RAB3IP: variants seen among roughly 807,000 people sequenced by gnomAD.
RAB3IP encodes rab-3A-interacting protein.
RAB3IP carries 36 observed loss-of-function variants against 59.1 expected under a neutral mutation model. The observed-to-expected ratio is 0.61, with a 90% confidence interval of 0.47 to 0.80. RAB3IP has a LOEUF of 0.80. Ranked by LOEUF, RAB3IP falls within the 30% of genes least tolerant of loss-of-function variation. The pLI is 0.00. For missense variants in RAB3IP, 511 were observed against 536.0 expected (o/e 0.95, Z 0.46); for synonymous variants, 207 against 191.2 (o/e 1.08, Z -0.68).
chr12:69,811,021 A>G (rs571779580), intron 8 of RAB3IP, among the ~76,000 whole-genome samples: 1 of 152,338 alleles, frequency 6.6e-6, no homozygotes, highest in South Asian at 2.1e-4. Flanking sequence ...TCTTTTAAGA[A>G]ACGCTATACA....
chr12:69,743,744 C>T (rs1446622003), intron 1 of RAB3IP, among the ~76,000 whole-genome samples: 2 of 152,148 alleles, frequency 1.3e-5, no homozygotes, highest in Non-Finnish European at 2.9e-5. Flanking sequence ...TCAATTTCTC[C>T]AGTTTTGATA....
Position 69,759,527 on chromosome 12 carries a change from G to T in RAB3IP, c.510+2864G>T, listed in dbSNP as rs573714182. On this transcript the variant is annotated intron_variant, in intron 3 of 10. Coordinates refer to ENST00000247833, the MANE Select transcript of RAB3IP (RefSeq NM_022456.5). Reference sequence around the variant, plus strand: ...ACCTCCCAGACGGGGTGGTGGCCGGGCAGAGGAGCTCCTCACTTCCCAGAA... The same window carrying T: ...ACCTCCCAGACGGGGTGGTGGCCGGTCAGAGGAGCTCCTCACTTCCCAGAA... Among the ~76,000 whole-genome samples, 29 of 152,132 alleles carry T rather than the reference G, an allele frequency of 1.9e-4. No individual in the cohort carries two copies. The East Asian group carries it at 4.3e-3, about 22-fold the overall frequency.
At chr12:69,798,174 C>A (rs1212925935) in intron 6 of RAB3IP, among the ~76,000 whole-genome samples, 2 of 152,204 alleles carry the variant, frequency 1.3e-5, no homozygotes, top group Non-Finnish European at 2.9e-5. Flanking sequence ...TCTACATCCT[C>A]TCCAGCACCT....
chr12:69,801,492 A>G, intron 7 of RAB3IP, 117 bp from the exon 8 acceptor site: 1 of 513,808 alleles, frequency 1.9e-6, no homozygotes. Context: ...TTCATTTGCT[A>G]AAGCCAAGCT....
chr12:69,757,278 C>CT (rs1870383431), intron 3 of RAB3IP, among the ~76,000 whole-genome samples: 1 of 152,032 alleles, frequency 6.6e-6, no homozygotes, highest in Non-Finnish European at 1.5e-5. Flanking sequence ...TAAGCTCCCA[C>CT]TTTAAGAATC....
At chr12:69,801,522 A>G (rs1639725052) in intron 7 of RAB3IP, 87 bp from the exon 8 acceptor site, 2 of 666,558 alleles carry the variant, frequency 3.0e-6, no homozygotes, top group Non-Finnish European at 4.7e-6. Context: ...TTGGAGAAGA[A>G]TAATTTATAA....
At position 69,786,073 on chromosome 12, in the gene RAB3IP, T is replaced by C. The variant is rs905348051; in HGVS notation, c.606+1258T>C. On this transcript the variant is annotated intron_variant, in intron 4 of 10. Transcript: ENST00000247833. ...TCTTAAAACTTTTATTATAATAAAC[T>C]TGGGGGGGTGGAAATTCCATCACCT... Among the ~76,000 whole-genome samples, 5 of 152,152 alleles carry C rather than the reference T, an allele frequency of 3.3e-5. No individual in the cohort carries two copies. The South Asian group carries it at 8.3e-4, about 25-fold the overall frequency.
In RAB3IP at chr12:69,761,398, T is replaced by C. The variant is rs1871288695; in HGVS notation, c.510+4735T>C. Among the ~76,000 whole-genome samples the C allele has an allele frequency of 2.0e-5, 3 of 152,328 alleles. No homozygotes were observed. The South Asian group carries it at 6.2e-4, about 32-fold the overall frequency. On this transcript the variant is annotated intron_variant, in intron 3 of 10. Transcript: ENST00000247833. ...TTCATTTCTAGGGGATCACTGTCTT[T>C]TATTGCCTAATATCAAATGCTTCAA...
chr12:69,750,743 T>C (rs1250661428), intron 1 of RAB3IP, among the ~76,000 whole-genome samples: 2 of 151,246 alleles, frequency 1.3e-5, no homozygotes, highest in African/African-American at 2.4e-5. Context: ...TTTTTTTTCT[T>C]AGGCCAGAAT....
intron 10 of RAB3IP, among the ~76,000 whole-genome samples, chr12:69,813,303 G>T (rs899798959): frequency 5.9e-5 from 9 of 151,984 alleles, no homozygotes; most frequent in African/African-American, 2.2e-4. Context: ...ACTCATAAGG[G>T]GTATATGATA....
chr12:69,817,622 A>T lies in RAB3IP; in HGVS notation c.*2176A>T, dbSNP rs1881266233. 6.8e-6 allele frequency: 1 copy of T among 147,880 alleles called. No individual in the cohort carries two copies. The highest frequency in any genetic ancestry group is 1.5e-5 in the Non-Finnish European group (1 of 67,342). The allele number at this position is 147,880 out of a possible 1,614,324, so 9.2% of individuals were successfully genotyped here. On this transcript the variant is annotated 3_prime_UTR_variant, in exon 11 of 11. Transcript: ENST00000247833. ...AGCTGCTTGAGCCCAGGAGTTTGAG[A>T]CGGGCCTGGGAAAAATAGGGAAACT...
chr12:69,749,064 A>G (rs892974555), intron 1 of RAB3IP, among the ~76,000 whole-genome samples: 7 of 152,220 alleles, frequency 4.6e-5, no homozygotes, highest in Admixed American at 2.0e-4. Context: ...CCTAAGTGCT[A>G]TATAACAGGG....
chr12:69,808,855 T>C (rs1444487798), intron 8 of RAB3IP, among the ~76,000 whole-genome samples: 4 of 152,324 alleles, frequency 2.6e-5, no homozygotes, highest in East Asian at 1.9e-4. Flanking sequence ...CTTTATCCAA[T>C]TTGCCAGTCT....
At chr12:69,786,985 A>G (rs1875779829) in intron 4 of RAB3IP, among the ~76,000 whole-genome samples, 1 of 152,182 alleles carries the variant, frequency 6.6e-6, no homozygotes. Flanking sequence ...ATCGTGGAAA[A>G]AGCGCTCAAA....
At chr12:69,810,518 C>T (rs1174219286) in intron 8 of RAB3IP, among the ~76,000 whole-genome samples, 6 of 152,180 alleles carry the variant, frequency 3.9e-5, no homozygotes, top group Non-Finnish European at 8.8e-5. Context: ...TTGGCTCCAC[C>T]CTCCAGAAAT....
At chr12:69,770,123 GA>G (rs1469011023) in intron 3 of RAB3IP, among the ~76,000 whole-genome samples, 2 of 151,980 alleles carry the variant, frequency 1.3e-5, no homozygotes, top group African/African-American at 4.8e-5. Flanking sequence ...ATTCCAGTTG[GA>G]AAAAAGAACA....
chr12:69,768,570 G>T (rs1647802494), intron 3 of RAB3IP, among the ~76,000 whole-genome samples: 1 of 152,168 alleles, frequency 6.6e-6, no homozygotes, highest in African/African-American at 2.4e-5. Context: ...CCCTGGGGTG[G>T]AGTGAGAGGA....
intron 10 of RAB3IP, 91 bp downstream of exon 10, chr12:69,813,124 T>C: frequency 1.2e-6 from 1 of 829,610 alleles, no homozygotes; most frequent in Admixed American, 2.4e-5. Context: ...ATAGTAGTAA[T>C]GCTCATATCA....
intron 4 of RAB3IP, among the ~76,000 whole-genome samples, chr12:69,789,160 G>T (rs1162353974): frequency 1.3e-5 from 2 of 151,578 alleles, no homozygotes; most frequent in African/African-American, 4.8e-5. Context: ...AGAGGGAAGG[G>T]AATAACAAAG....
Sources: gnomAD v4.1 joint callset for allele counts (sites outside exome capture counted in the v4.1 genomes callset) on GRCh38, gnomAD v4.1.1 for gene constraint, MANE v1.5 for transcripts, NCBI Gene and HGNC (gene_info 2026-07-23, HGNC 2026-07-21) for gene names.